Variants in NDUFA10 observed in about 807,000 individuals in gnomAD.
NDUFA10 encodes the protein NADH dehydrogenase [ubiquinone] 1 alpha subcomplex subunit 10, mitochondrial.
In NDUFA10, 40 loss-of-function variants were observed where a neutral mutation model predicts 47.8. The ratio of observed to expected loss-of-function variants is 0.84; its 90% CI spans 0.65 to 1.09. NDUFA10 has a LOEUF of 1.09. Ranked by LOEUF, NDUFA10 falls within the 50% of genes least tolerant of loss-of-function variation. The pLI, the probability that NDUFA10 is intolerant of heterozygous loss-of-function variation, is 0.00. For synonymous variants in NDUFA10, 183 were observed against 172.2 expected, an observed-to-expected ratio of 1.06 and a Z score of -0.49; for missense variants, 413 against 451.1, an observed-to-expected ratio of 0.92 and a Z score of 0.76.
chr2:239,983,627 G>T (rs747722019), intron 9 of NDUFA10: 13 of 1,587,376 alleles, frequency 8.2e-6, no homozygotes, highest in Non-Finnish European at 1.1e-5. Context: ...CCCACGGTCA[G>T]GGCCACGGTG....
intron 7 of NDUFA10, 89 bp downstream of exon 7, chr2:240,007,227 T>A: frequency 1.0e-6 from 1 of 978,634 alleles, no homozygotes; most frequent in South Asian, 1.4e-5. Context: ...TTAAGACCAG[T>A]GGGAATCTAA....
chr2:239,914,911 A>C (rs541072176), intron 4 of NDUFA10, among the ~76,000 whole-genome samples: 3 of 150,074 alleles, frequency 2.0e-5, no homozygotes, highest in African/African-American at 7.6e-5. Flanking sequence ...ATACTCAGAC[A>C]CACACAAATA....
intron 9 of NDUFA10, among the ~76,000 whole-genome samples, chr2:239,964,494 G>GGCA (rs144684727): frequency 3.9e-5 from 6 of 152,158 alleles, no homozygotes; most frequent in East Asian, 1.9e-4. Context: ...AGTGGTAGCT[G>GGCA]GCAGCAGCAG....
Position 239,961,034 on chromosome 2 carries a change from C to T in NDUFA10, c.*84G>A, listed in dbSNP as rs1210974572. The T allele has an allele frequency of 6.2e-7, 1 of 1,601,846 alleles. No homozygotes were observed. The highest frequency in any genetic ancestry group is 8.5e-7 in the Non-Finnish European group (1 of 1,174,706). On this transcript the variant is annotated 3_prime_UTR_variant, in exon 10 of 10. Coordinates refer to ENST00000252711, the MANE Select transcript of NDUFA10 (RefSeq NM_004544.4). ...TTTGCATTATTTACCCTCCCCCGATCTTAAAGCTATATGGCGTCCAGGAGA... is the reference window on the plus strand; with the variant it reads ...TTTGCATTATTTACCCTCCCCCGATTTTAAAGCTATATGGCGTCCAGGAGA...
chr2:239,919,139 A>G (rs1296033357), intron 4 of NDUFA10, among the ~76,000 whole-genome samples: 1 of 152,146 alleles, frequency 6.6e-6, no homozygotes, highest in African/African-American at 2.4e-5. Context: ...GCTGAGGAGG[A>G]AGCCAGACCA....
chr2:239,948,202 T>C (rs1694489744), intron 4 of NDUFA10, among the ~76,000 whole-genome samples: 1 of 152,262 alleles, frequency 6.6e-6, no homozygotes, highest in African/African-American at 2.4e-5. Context: ...TCCTGGGCCC[T>C]GCCCACACGT....
Position 239,941,057 on chromosome 2 carries a change from G to A in NDUFA10, c.295-45743C>T, listed in dbSNP as rs377193246. 1.1e-4 allele frequency among the ~76,000 whole-genome samples: 16 copies of A among 152,302 alleles called. No individual in the cohort carries two copies. In the South Asian group the frequency reaches 3.1e-3, roughly 30 times the overall value. ...CCACCCAGGAAGGGTAAGCGAAACTGGACAGCAGCAAGGTCACTACAAGGT... is the reference window on the plus strand; with the variant it reads ...CCACCCAGGAAGGGTAAGCGAAACTAGACAGCAGCAAGGTCACTACAAGGT... On this transcript the variant is annotated intron_variant, in intron 4 of 5. Transcript: ENST00000419408.
At chr2:239,907,157 G>A (rs908188170) in intron 4 of NDUFA10, among the ~76,000 whole-genome samples, 5 of 152,188 alleles carry the variant, frequency 3.3e-5, no homozygotes, top group Non-Finnish European at 7.3e-5. Context: ...AAGAAATGGG[G>A]AAAGGATTCC....
chr2:239,960,292 A>G lies in NDUFA10; in HGVS notation c.*826T>C. The G allele has an allele frequency of 2.0e-6, 2 of 985,664 alleles. No homozygotes were observed. Among genetic ancestry groups the G allele is most frequent in the African/African-American group, 3.5e-5 (2 of 57,380 alleles). The allele number at this position is 985,664 out of a possible 1,614,324, so 61.1% of individuals were successfully genotyped here. ...CACAACCAGCTTGTTTTGGTTTTCT[A>G]GGCTTCAACAGAGATGAATAAAGAA... On this transcript the variant is annotated 3_prime_UTR_variant, in exon 10 of 10. Transcript: ENST00000252711.
At chr2:240,005,965 A>T (rs1158900185) in intron 7 of NDUFA10, among the ~76,000 whole-genome samples, 2 of 152,180 alleles carry the variant, frequency 1.3e-5, no homozygotes, top group Non-Finnish European at 2.9e-5. Flanking sequence ...CCTCAAAATG[A>T]CAAAAGAATA....
chr2:240,008,947 T>C lies in NDUFA10; in HGVS notation c.750-1577A>G, dbSNP rs145747553. Among the ~76,000 whole-genome samples, 190 of 152,274 alleles carry C rather than the reference T, an allele frequency of 1.2e-3. 1 individual carries two copies. The highest frequency in any genetic ancestry group is 1.9e-3 in the Non-Finnish European group (130 of 68,012). On this transcript the variant is annotated intron_variant, in intron 6 of 9. Transcript: ENST00000252711. ...ACACCTGCCTCTCATTCCCACTGCC[T>C]TGTGAAAGGAGGCCTAAAATAAGAA...
At chr2:239,926,158 A>G (rs1694061736) in intron 4 of NDUFA10, among the ~76,000 whole-genome samples, 1 of 152,238 alleles carries the variant, frequency 6.6e-6, no homozygotes, top group Admixed American at 6.5e-5. Flanking sequence ...CACCAGAGGA[A>G]TGAAACTTTC....
chr2:239,982,243 C>T (rs779133372), intron 9 of NDUFA10: 6 of 1,611,736 alleles, frequency 3.7e-6, no homozygotes, highest in Non-Finnish European at 4.2e-6. Flanking sequence ...CGAAACAATT[C>T]TGTTCACCTC....
chr2:240,023,583 A>C (rs1574905096), intron 1 of NDUFA10, among the ~76,000 whole-genome samples: 1 of 152,346 alleles, frequency 6.6e-6, no homozygotes, highest in South Asian at 2.1e-4. Flanking sequence ...CCAAAAATGC[A>C]AATAGAAACC....
chr2:240,021,458 T>G (rs1473030590), intron 2 of NDUFA10, 46 bp from the exon 3 acceptor site: 4 of 1,556,144 alleles, frequency 2.6e-6, no homozygotes, highest in Middle Eastern at 2.0e-4. Context: ...CATCACTCAC[T>G]CCCCGCAGGG....
At chr2:239,915,220 CAG>C (rs1225976014) in intron 4 of NDUFA10, among the ~76,000 whole-genome samples, 10 of 145,886 alleles carry the variant, frequency 6.9e-5, no homozygotes, top group East Asian at 4.0e-4. Context: ...TACACAGACA[CAG>C]AGAGACACAG....
intron 4 of NDUFA10, among the ~76,000 whole-genome samples, chr2:239,931,498 C>A (rs1355238047): frequency 6.6e-6 from 1 of 152,264 alleles, no homozygotes; most frequent in Non-Finnish European, 1.5e-5. Context: ...GGGGACACCA[C>A]TCGCCTCGCC....
chr2:239,990,253 A>AT (rs1175583947), intron 8 of NDUFA10, 71 bp from the exon 9 acceptor site: 253 of 1,261,680 alleles, frequency 2.0e-4, no homozygotes, highest in Non-Finnish European at 2.5e-4. Context: ...TGTAAGTCCG[A>AT]TTTTTTTTAA....
chr2:240,000,799 T>C (rs541762992), intron 8 of NDUFA10, among the ~76,000 whole-genome samples: 3 of 152,370 alleles, frequency 2.0e-5, no homozygotes, highest in Admixed American at 1.3e-4. Context: ...CAGTATTCAG[T>C]ACTGTACCAT....
Sources: allele counts gnomAD v4.1 joint callset (sites outside exome capture counted in the v4.1 genomes callset), GRCh38; gene constraint gnomAD v4.1.1; transcripts MANE v1.5; gene names NCBI Gene and HGNC (gene_info 2026-07-23, HGNC 2026-07-21).